PRDM4: variants seen among roughly 807,000 people sequenced by gnomAD.
PRDM4 encodes PR domain zinc finger protein 4.
In PRDM4, 38 loss-of-function variants were observed where a neutral mutation model predicts 62.3. That is an observed-to-expected ratio of 0.61 (90% CI 0.47 to 0.80). The LOEUF is 0.80. Among genes scored for constraint, PRDM4 ranks in the 30% least tolerant of loss-of-function variants. The probability of loss-of-function intolerance (pLI) is 0.00; values close to 1 mark genes in which losing one functional copy is unlikely to be tolerated. For missense variants in PRDM4, 858 were observed against 997.1 expected, an observed-to-expected ratio of 0.86 and a Z score of 1.88; for synonymous variants, 339 against 348.2, an observed-to-expected ratio of 0.97 and a Z score of 0.30.
At chr12:107,740,752 T>C (rs549417800) in intron 10 of PRDM4, among the ~76,000 whole-genome samples, 194 bp downstream of exon 10, 3 of 152,278 alleles carry the variant, frequency 2.0e-5, no homozygotes, top group Non-Finnish European at 4.4e-5. Flanking sequence ...CTTCCAACTA[T>C]GGTGGGGAGA....
chr12:107,752,198 A>C lies in PRDM4; in HGVS notation c.343T>G (p.Tyr115Asp). The change falls in exon 5 of 12, where the codon TAT (tyrosine) becomes GAT (aspartate). Residue 115 changes from tyrosine to aspartate, a missense_variant. Physicochemically the swap from Tyr to Asp is radical, Grantham distance 160. Transcript: ENST00000228437. ...FRTILPGILSYLADRPPPQYI... is the reference protein window; with the variant it reads ...FRTILPGILSDLADRPPPQYI... ...TGTGGAGGTGGTCTGTCAGCTAAATAAGATAAAATGCCTGAGAAAAGGAAA... is the reference window on the plus strand; with the variant it reads ...TGTGGAGGTGGTCTGTCAGCTAAATCAGATAAAATGCCTGAGAAAAGGAAA... The C allele has an allele frequency of 6.4e-7, 1 of 1,573,654 alleles. No homozygotes were observed. Among genetic ancestry groups the C allele is most frequent in the Non-Finnish European group, 8.7e-7 (1 of 1,143,446 alleles).
At chr12:107,747,363 C>T (rs867390005) in intron 5 of PRDM4, among the ~76,000 whole-genome samples, 1 of 151,650 alleles carries the variant, frequency 6.6e-6, no homozygotes, top group Non-Finnish European at 1.5e-5. Context: ...GAACATAGGA[C>T]ACTGGCGTCA....
rs144682562 is a variant in PRDM4 at position 107,751,694 on chromosome 12, T to C, written c.847A>G (p.Ser283Gly). 148 of 1,614,058 alleles carry C rather than the reference T, an allele frequency of 9.2e-5. No individual in the cohort carries two copies. The highest frequency in any genetic ancestry group is 2.0e-5 in the Non-Finnish European group (24 of 1,180,030). Reference protein sequence around the residue: ...IASRVNGMSDSALSDSIHTVA... With the variant: ...IASRVNGMSDGALSDSIHTVA... ...GTGTGAATGGAGTCACTGAGGGCACTGTCAGACATGCCATTGACCCGACTT... is the reference window on the plus strand; with the variant it reads ...GTGTGAATGGAGTCACTGAGGGCACCGTCAGACATGCCATTGACCCGACTT... The change falls in exon 5 of 12, where the codon AGT becomes GGT. Residue 283 changes from serine (S) to glycine (G), a missense_variant. Ser to Gly is a moderately conservative substitution (Grantham distance 56, BLOSUM62 0). Coordinates refer to ENST00000228437, the MANE Select transcript of PRDM4 (RefSeq NM_012406.4).
At chr12:107,745,494 G>C (rs1890670276) in intron 6 of PRDM4, among the ~76,000 whole-genome samples, 1 of 151,986 alleles carries the variant, frequency 6.6e-6, no homozygotes, top group Admixed American at 6.6e-5. Context: ...CTTGAGCCCA[G>C]GAGGTCAAGG....
intron 6 of PRDM4, among the ~76,000 whole-genome samples, chr12:107,745,583 A>C (rs756685347): frequency 6.6e-5 from 10 of 152,192 alleles, no homozygotes; most frequent in Admixed American, 2.6e-4. Flanking sequence ...CAGTCTCTTA[A>C]AAATAAATAA....
At chr12:107,751,229 A>G (rs555334024) in intron 5 of PRDM4, among the ~76,000 whole-genome samples, 186 bp downstream of exon 5, 6 of 152,380 alleles carry the variant, frequency 3.9e-5, no homozygotes, top group East Asian at 3.9e-4. Flanking sequence ...AAATGTATGT[A>G]TATCATTTGG....
intron 5 of PRDM4, among the ~76,000 whole-genome samples, chr12:107,750,083 G>C (rs918155571): frequency 1.1e-4 from 16 of 152,114 alleles, no homozygotes; most frequent in Non-Finnish European, 1.9e-4. Context: ...TCCCCTTCAG[G>C]CTACTTTAGT....
chr12:107,751,646 C>T lies in PRDM4; in HGVS notation c.895G>A (p.Val299Ile), dbSNP rs200129682. 34 of 1,614,032 alleles carry T rather than the reference C, an allele frequency of 2.1e-5. No individual in the cohort carries two copies. Among genetic ancestry groups the T allele is most frequent in the Non-Finnish European group, 2.5e-5 (30 of 1,180,014 alleles). Residue 299 changes from valine (V) to isoleucine (I), a missense_variant, in exon 5 of 12, where the codon GTA (valine) becomes ATA (isoleucine). By Grantham distance (29) the Val-to-Ile change is conservative (BLOSUM62 3). Transcript: ENST00000228437. ...TGTGAGGTAGAGAGTGCCACGCTTA[C>T]AGAGTTGGTGCTCATGGCCACAGTG... ...IHTVAMSTNS[V>I]SVALSTSHNL... is the part of the protein sequence containing the mutation.
chr12:107,735,325 T>C (rs1890294095), intron 11 of PRDM4, among the ~76,000 whole-genome samples: 1 of 152,196 alleles, frequency 6.6e-6, no homozygotes, highest in East Asian at 1.9e-4. Context: ...TACACATCCA[T>C]CATTGACGGT....
rs1477940276 is a variant in PRDM4, at chr12:107,760,995, G to C, written c.-295C>G. ...TGGGGGCGCACGCGCCTGCCCCACT[G>C]CTTTGTTCCTCATCCGGGCAGAGTT... On this transcript the variant is annotated 5_prime_UTR_variant, in exon 1 of 12. Transcript: ENST00000228437. The C allele has an allele frequency of 1.3e-5, 2 of 150,294 alleles. No homozygotes were observed. The highest frequency in any genetic ancestry group is 3.0e-5 in the Non-Finnish European group (2 of 67,500). 9.3% of individuals were successfully genotyped at this position (150,294 alleles called of 1,614,324 possible).
At chr12:107,750,556 C>T (rs546032340) in intron 5 of PRDM4, among the ~76,000 whole-genome samples, 3 of 152,238 alleles carry the variant, frequency 2.0e-5, no homozygotes, top group East Asian at 1.9e-4. Flanking sequence ...TTAAAATAAG[C>T]ACTCAACATG....
chr12:107,756,138 T>TAATC (rs1372753254), intron 3 of PRDM4, among the ~76,000 whole-genome samples: 1 of 151,728 alleles, frequency 6.6e-6, no homozygotes, highest in African/African-American at 2.4e-5. Flanking sequence ...TGCATGCCTA[T>TAATC]AATCCTAGCT....
rs779244749 is a variant in PRDM4, at chr12:107,746,291, A to C, written c.1260T>G (p.Ile420Met). The C allele has an allele frequency of 5.6e-6, 9 of 1,614,030 alleles. No homozygotes were observed. The highest frequency in any genetic ancestry group is 7.6e-6 in the Non-Finnish European group (9 of 1,179,982). The stretch of plus-strand genomic sequence containing the variant: ...GGTTCTTACCAACTTCTGCTCCCAC[A>C]ATTGACTGACGGAGAACAAGCTGCT... Reference protein sequence around the residue: ...LPKQLVLRQSIVGAEVGVWTG... With the variant: ...LPKQLVLRQSMVGAEVGVWTG... Residue 420 changes from isoleucine (I) to methionine (M), a missense_variant, in exon 6 of 12, where the codon ATT becomes ATG. Physicochemically the swap from Ile to Met is conservative, Grantham distance 10. Around this residue, in one of 3 missense-constraint regions of PRDM4, gnomAD observed 499 missense variants for 546.7 expected, o/e 0.91. Transcript: ENST00000228437.
Position 107,760,578 on chromosome 12 carries a change from T to A in PRDM4, c.-63A>T. The A allele has an allele frequency of 6.3e-7, 1 of 1,599,886 alleles. No individual in the cohort carries two copies. The highest frequency in any genetic ancestry group is 8.5e-7 in the Non-Finnish European group (1 of 1,171,552). The stretch of plus-strand genomic sequence containing the variant: ...GTGGTGGGGAACAGGCATCAGGGTT[T>A]GCGTTCCAGGGTCACGTGCTACCAC... On this transcript the variant is annotated 5_prime_UTR_variant, in exon 2 of 12. Coordinates refer to ENST00000228437, the MANE Select transcript of PRDM4 (RefSeq NM_012406.4).
At chr12:107,747,022 C>G (rs1013442043) in intron 5 of PRDM4, among the ~76,000 whole-genome samples, 4 of 152,000 alleles carry the variant, frequency 2.6e-5, no homozygotes, top group African/African-American at 9.7e-5. Flanking sequence ...TAGTTCACGC[C>G]TGTAAACCCA....
rs1345868280 is a variant in PRDM4, at chr12:107,734,302, C to T, written c.2314G>A (p.Glu772Lys). 9 of 1,614,064 alleles carry T rather than the reference C, an allele frequency of 5.6e-6. No individual in the cohort carries two copies. The highest frequency in any genetic ancestry group is 7.6e-6 in the Non-Finnish European group (9 of 1,180,028). Residue 772 changes from glutamate to lysine, a missense_variant, in exon 12 of 12, where the codon GAG becomes AAG. Physicochemically the swap from Glu to Lys is moderately conservative, Grantham distance 56 (BLOSUM62 1). Coordinates refer to ENST00000228437, the MANE Select transcript of PRDM4 (RefSeq NM_012406.4). ...CCCACAGAGTCTGCTAGATCTTCCT[C>T]TTCTGAGTCATCCTCTTCTTCCTCC... ...PEEEEEDDSE[E>K]EDLADSVGTE...
chr12:107,757,095 T>C (rs1331739398), intron 2 of PRDM4, 130 bp from the exon 3 acceptor site: 32 of 839,240 alleles, frequency 3.8e-5, no homozygotes, highest in Non-Finnish European at 1.8e-6. Flanking sequence ...ACTTTTACGC[T>C]CAACAATTCT....
intron 5 of PRDM4, among the ~76,000 whole-genome samples, chr12:107,749,771 T>C (rs576807203): frequency 3.9e-5 from 6 of 152,256 alleles, no homozygotes; most frequent in Non-Finnish European, 8.8e-5. Context: ...TATTCTCACA[T>C]TGCAGCAAAG....
At position 107,760,650 on chromosome 12, in the gene PRDM4, T is replaced by G; in HGVS notation, c.-135A>C. 6.8e-5 allele frequency: 76 copies of G among 1,123,152 alleles called. No individual in the cohort carries two copies. Among genetic ancestry groups the G allele is most frequent in the Non-Finnish European group, 7.8e-5 (62 of 798,224 alleles). The allele number at this position is 1,123,152 out of a possible 1,614,324, so 69.6% of individuals were successfully genotyped here. On this transcript the variant is annotated 5_prime_UTR_variant, in exon 2 of 12. Coordinates refer to ENST00000228437, the MANE Select transcript of PRDM4 (RefSeq NM_012406.4). ...CCGACGCGGCCACTCGTCCCCGGGG[T>G]CGCCCGGGGCCGCCCAACTTCTCCC...
Sources: gnomAD v4.1 joint callset for allele counts (sites outside exome capture counted in the v4.1 genomes callset) on GRCh38, gnomAD v4.1.1 for gene constraint, gnomAD v4.1.1 regional missense constraint, MANE v1.5 for transcripts, NCBI Gene and HGNC (gene_info 2026-07-23, HGNC 2026-07-21) for gene names.